IGF2R: variants seen among roughly 807,000 people sequenced by gnomAD.
IGF2R encodes insulin like growth factor 2 receptor.
A neutral mutation model predicts 270.6 loss-of-function variants in IGF2R; 91 were observed. That is an observed-to-expected ratio of 0.34 (90% CI 0.28 to 0.40). IGF2R has a LOEUF of 0.40. Among genes scored for constraint, IGF2R ranks in the 10% least tolerant of loss-of-function variants. The pLI is 1.00. For missense variants in IGF2R, 2,805 were observed against 3,188.3 expected (o/e 0.88, Z 2.90); for synonymous variants, 1,316 against 1,258.9 (o/e 1.05, Z -0.96).
At chr6:160,010,403 G>A in intron 3 of IGF2R, 1 of 266,038 alleles carries the variant, frequency 3.8e-6, no homozygotes, top group South Asian at 8.9e-5. Context: ...AATGACTGAG[G>A]ATTTCTTCCC....
chr6:160,048,635 G>T, intron 18 of IGF2R, 92 bp downstream of exon 18: 4 of 1,320,884 alleles, frequency 3.0e-6, no homozygotes, highest in Non-Finnish European at 4.2e-6. Context: ...CAGATCAAAG[G>T]CAGCACAGCT....
Position 160,043,264 on chromosome 6 carries a change from G to A in IGF2R, c.1597G>A (p.Glu533Lys), listed in dbSNP as rs778725774. The A allele has an allele frequency of 2.5e-5, 41 of 1,614,052 alleles. No homozygotes were observed. The highest frequency in any genetic ancestry group is 9.9e-5 in the South Asian group (9 of 91,080). ...GGAAGGCAAGGCACGAGGGTGTCCC[G>A]AGGACGCGGCAGTGTGTGCAGTGGG... ...LQEGKARGCP[E>K]DAAVCAVDKN... The change falls in exon 12 of 48, where the codon GAG (glutamate) becomes AAG (lysine). Residue 533 changes from glutamate to lysine, a missense_variant. Transcript: ENST00000356956.
intron 31 of IGF2R, 68 bp from the exon 32 acceptor site, chr6:160,071,842 A>G: frequency 6.3e-7 from 1 of 1,585,124 alleles, no homozygotes. Flanking sequence ...TCCACTTGTA[A>G]GTTGAAATCA....
At chr6:159,981,553 A>G (rs1169943910) in intron 1 of IGF2R, among the ~76,000 whole-genome samples, 5 of 152,166 alleles carry the variant, frequency 3.3e-5, no homozygotes, top group East Asian at 1.9e-4. Flanking sequence ...TCTGGATTCA[A>G]ATGAAAGCTT....
chr6:160,107,257 A>C lies in IGF2R; in HGVS notation c.*2173A>C, dbSNP rs1334644080. The C allele has an allele frequency of 6.6e-6, 1 of 152,250 alleles. No individual in the cohort carries two copies. Among genetic ancestry groups the C allele is most frequent in the East Asian group, 1.9e-4 (1 of 5,200 alleles). The allele number at this position is 152,250 out of a possible 1,614,324, so 9.4% of individuals were successfully genotyped here. On this transcript the variant is annotated 3_prime_UTR_variant, in exon 48 of 48. Transcript: ENST00000356956. ...TCCAGGCCATTCCCACCTCCTGCTA[A>C]GACCATGGGGAGCCCTCTCTGTAAG...
chr6:160,059,207 C>A, intron 22 of IGF2R, 109 bp downstream of exon 22: 5 of 859,912 alleles, frequency 5.8e-6, no homozygotes, highest in Non-Finnish European at 9.0e-6. Flanking sequence ...CCACCATGGG[C>A]TGTGCTGTCC....
In IGF2R at chr6:160,058,197, G is replaced by A. The variant is rs1342937941; in HGVS notation, c.2898+73G>A. 12 of 959,024 alleles carry A rather than the reference G, an allele frequency of 1.3e-5. No homozygotes were observed. In the East Asian group the frequency reaches 1.4e-4, roughly 12 times the overall value. The allele number at this position is 959,024 out of a possible 1,614,324, so 59.4% of individuals were successfully genotyped here. On this transcript the variant is annotated intron_variant, in intron 21 of 47. Transcript: ENST00000356956. Reference sequence around the variant, plus strand: ...AGTGCATTATTGAAGTCACCTGCACGTGGTGATATGAGAGAATTGCCCAGG... The same window carrying A: ...AGTGCATTATTGAAGTCACCTGCACATGGTGATATGAGAGAATTGCCCAGG...
intron 2 of IGF2R, among the ~76,000 whole-genome samples, chr6:159,999,559 AG>A (rs1450160464): frequency 6.6e-6 from 1 of 152,212 alleles, no homozygotes; most frequent in Non-Finnish European, 1.5e-5. Context: ...TGGCTCTGAG[AG>A]GACATCTGAG....
At chr6:160,010,537 A>G (rs1784317347) in intron 3 of IGF2R, 150 bp from the exon 4 acceptor site, 5 of 553,602 alleles carry the variant, frequency 9.0e-6, no homozygotes, top group South Asian at 5.3e-5. Context: ...GAACCTCTTG[A>G]TGACCCCGTT....
chr6:159,985,912 A>G (rs1783874912), intron 1 of IGF2R, among the ~76,000 whole-genome samples: 2 of 152,202 alleles, frequency 1.3e-5, no homozygotes, highest in Non-Finnish European at 2.9e-5. Flanking sequence ...TCTGTCCCAG[A>G]GTGATGGTTT....
rs1783565869 is a variant in IGF2R at position 159,969,165 on chromosome 6, G to A, written c.-82G>A. 2 of 847,292 alleles carry A rather than the reference G, an allele frequency of 2.4e-6. No individual in the cohort carries two copies. Among genetic ancestry groups the A allele is most frequent in the Non-Finnish European group, 2.8e-6 (2 of 705,350 alleles). 52.5% of individuals were successfully genotyped at this position (847,292 alleles called of 1,614,324 possible). ...TCTCCACCTCCGCCTTTGCCCTGGC[G>A]GCGCGACCCCGTCCCGGGCGCGGCC... On this transcript the variant is annotated 5_prime_UTR_variant, in exon 1 of 48. Transcript: ENST00000356956.
intron 44 of IGF2R, among the ~76,000 whole-genome samples, chr6:160,091,675 T>C (rs1779230461): frequency 6.6e-6 from 1 of 152,266 alleles, no homozygotes; most frequent in Non-Finnish European, 1.5e-5. Context: ...CACACTTCGG[T>C]GAATCCTTCA....
intron 4 of IGF2R, among the ~76,000 whole-genome samples, chr6:160,013,124 C>T (rs926598111): frequency 6.6e-6 from 1 of 151,830 alleles, no homozygotes; most frequent in Non-Finnish European, 1.5e-5. Context: ...TTTGTTTTAT[C>T]TGAGTGTACC....
At chr6:160,077,290 A>G (rs1277980903) in intron 36 of IGF2R, among the ~76,000 whole-genome samples, 1 of 152,138 alleles carries the variant, frequency 6.6e-6, no homozygotes, top group Non-Finnish European at 1.5e-5. Flanking sequence ...GCCTCTGTAG[A>G]TGCACACAGC....
chr6:160,083,643 G>T (rs1469727891), intron 39 of IGF2R, among the ~76,000 whole-genome samples: 4 of 152,250 alleles, frequency 2.6e-5, no homozygotes, highest in Non-Finnish European at 5.9e-5. Context: ...CTGGTTTATT[G>T]AGACTAGAGA....
chr6:159,991,465 C>A, intron 2 of IGF2R, 142 bp downstream of exon 2: 1 of 682,254 alleles, frequency 1.5e-6, no homozygotes, highest in Non-Finnish European at 2.4e-6. Context: ...ACATAATACA[C>A]ATTTGTTAGT....
At chr6:160,067,579 G>A (rs906727798) in intron 29 of IGF2R, among the ~76,000 whole-genome samples, 3 of 152,216 alleles carry the variant, frequency 2.0e-5, no homozygotes, top group African/African-American at 7.2e-5. Flanking sequence ...TGAATGACCA[G>A]TTTTTATTCC....
rs1778375309 is a variant in IGF2R, at chr6:160,059,085, T to C, written c.3078T>C (p.Pro1026=). ...EGFITLTYKG[P]LSAKGTADAF... ...TCATCACTCTGACCTACAAAGGGCC[T>C]CTCTCTGCCAAAGGTGAGCTCAGAG... The change falls in exon 22 of 48, where the codon CCT becomes CCC. Residue 1026 remains proline (P), a synonymous_variant. Transcript: ENST00000356956. 3 of 1,613,848 alleles carry C rather than the reference T, an allele frequency of 1.9e-6. No individual in the cohort carries two copies. Among genetic ancestry groups the C allele is most frequent in the South Asian group, 1.1e-5 (1 of 91,080 alleles).
chr6:160,054,195 G>T (rs1355769477), intron 19 of IGF2R, among the ~76,000 whole-genome samples: 1 of 152,224 alleles, frequency 6.6e-6, no homozygotes, highest in Non-Finnish European at 1.5e-5. Context: ...TGCTGAACAG[G>T]TTAGTCAAGT....
Sources: gnomAD v4.1 joint callset for allele counts (sites outside exome capture counted in the v4.1 genomes callset) on GRCh38, gnomAD v4.1.1 for gene constraint, MANE v1.5 for transcripts, NCBI Gene and HGNC (gene_info 2026-07-23, HGNC 2026-07-21) for gene names.